The following DMP1 variants were observed in gnomAD, a reference collection of about 807,000 sequenced individuals.
The protein encoded by DMP1 is dentin matrix acidic phosphoprotein 1.
In DMP1, 20 loss-of-function variants were observed where a neutral mutation model predicts 14.6. The ratio of observed to expected loss-of-function variants is 1.37; its 90% CI spans 0.96 to 1.99. The LOEUF is 1.99. Among genes scored for constraint, DMP1 ranks in the 30% most tolerant of loss-of-function variants. The probability of loss-of-function intolerance (pLI) is 0.00; values close to 1 mark genes in which losing one functional copy is unlikely to be tolerated. For missense variants in DMP1, 567 were observed against 620.5 expected (o/e 0.91, Z 0.92); for synonymous variants, 197 against 215.3 (o/e 0.91, Z 0.75).
At chr4:87,658,300 T>C (rs1334827870) in intron 3 of DMP1, among the ~76,000 whole-genome samples, 1 of 152,212 alleles carries the variant, frequency 6.6e-6, no homozygotes, top group Non-Finnish European at 1.5e-5. Flanking sequence ...TCCTCCCTGC[T>C]CTACTTTGCG....
At chr4:87,654,381 T>G (rs1404997153) in intron 1 of DMP1, among the ~76,000 whole-genome samples, 2 of 152,180 alleles carry the variant, frequency 1.3e-5, no homozygotes, top group African/African-American at 2.4e-5. Context: ...AAGCTTTTGC[T>G]TCTGAGGCTG....
Position 87,660,457 on chromosome 4 carries a change from A to G in DMP1, c.183+979A>G, listed in dbSNP as rs184331339. ...TGCTCAGTTCCACCATACTAGCATA[A>G]AACTCCAGTGCTAGGAAGAGAGGTC... On this transcript the variant is annotated intron_variant, in intron 5 of 5. Coordinates refer to ENST00000339673, the MANE Select transcript of DMP1 (RefSeq NM_004407.4). Among the ~76,000 whole-genome samples the G allele has an allele frequency of 3.1e-3, 477 of 152,310 alleles. 1 individual carries two copies. Among genetic ancestry groups the G allele is most frequent in the African/African-American group, 0.011 (451 of 41,558 alleles).
rs368659799 is a variant in DMP1, at chr4:87,662,842, C to T, written c.1064C>T (p.Ser355Phe). 9.9e-6 allele frequency: 16 copies of T among 1,613,236 alleles called. No homozygotes were observed. The African/African-American group carries it at 2.1e-4, about 22-fold the overall frequency. Reference sequence around the variant, plus strand: ...TCATCTCAAGAGAACAGCAGTGAGTCTCAGGAAGAGGTGGTGAGTGAGTCC... The same window carrying T: ...TCATCTCAAGAGAACAGCAGTGAGTTTCAGGAAGAGGTGGTGAGTGAGTCC... Reference protein sequence around the residue: ...NLSSQENSSESQEEVVSESRG... With the variant: ...NLSSQENSSEFQEEVVSESRG... Residue 355 changes from serine (S) to phenylalanine (F), a missense_variant, in exon 6 of 6, where the codon TCT (serine) becomes TTT (phenylalanine). Ser to Phe is a radical substitution (Grantham distance 155). Transcript: ENST00000339673.
chr4:87,656,944 C>T (rs1162859380), intron 2 of DMP1, 88 bp from the exon 3 acceptor site: 8 of 834,140 alleles, frequency 9.6e-6, no homozygotes, highest in Non-Finnish European at 1.7e-5. Flanking sequence ...TAAAATTTGA[C>T]TATCCCTACT....
intron 3 of DMP1, 158 bp from the exon 4 acceptor site, chr4:87,659,062 T>C (rs1728779840): frequency 2.7e-6 from 2 of 734,160 alleles, no homozygotes; most frequent in Admixed American, 2.4e-5. Context: ...ACTTTCCTTT[T>C]GGAACCATTT....
At chr4:87,656,612 G>T in intron 2 of DMP1, 66 bp downstream of exon 2, 1 of 1,061,500 alleles carries the variant, frequency 9.4e-7, no homozygotes, top group Non-Finnish European at 1.5e-6. Flanking sequence ...ATTTTGATTG[G>T]CTATGAACCA....
intron 1 of DMP1, among the ~76,000 whole-genome samples, chr4:87,655,652 T>C (rs941738828): frequency 1.3e-5 from 2 of 152,040 alleles, no homozygotes; most frequent in Non-Finnish European, 2.9e-5. Flanking sequence ...CAGTCATAAA[T>C]GTGACTTAGA....
chr4:87,660,532 T>G (rs529571561), intron 5 of DMP1, among the ~76,000 whole-genome samples: 4 of 152,158 alleles, frequency 2.6e-5, no homozygotes, highest in Non-Finnish European at 4.4e-5. Context: ...GACTCAGACA[T>G]TGATCAGTAG....
At chr4:87,661,802 A>G (rs1728892958) in intron 5 of DMP1, among the ~76,000 whole-genome samples, 160 bp from the exon 6 acceptor site, 1 of 152,036 alleles carries the variant, frequency 6.6e-6, no homozygotes, top group East Asian at 1.9e-4. Context: ...CTTCCTTCCT[A>G]TTTAAGCTCT....
In DMP1 at chr4:87,663,382, A is replaced by C; in HGVS notation, c.*62A>C. On this transcript the variant is annotated 3_prime_UTR_variant, in exon 6 of 6. Coordinates refer to ENST00000339673, the MANE Select transcript of DMP1 (RefSeq NM_004407.4). ...AGTCTTAGGGACTTGAAAATGTATCATGATAACTATAATTTATTGATGTTT... is the reference window on the plus strand; with the variant it reads ...AGTCTTAGGGACTTGAAAATGTATCCTGATAACTATAATTTATTGATGTTT... The C allele has an allele frequency of 6.2e-7, 1 of 1,610,152 alleles. No individual in the cohort carries two copies. Among genetic ancestry groups the C allele is most frequent in the East Asian group, 2.2e-5 (1 of 44,860 alleles).
rs924937956 is a variant in DMP1, at chr4:87,662,530, C to T, written c.752C>T (p.Thr251Ile). Residue 251 changes from threonine (T) to isoleucine (I), a missense_variant, in exon 6 of 6, where the codon ACT becomes ATT. Transcript: ENST00000339673. ...GGAGAAAACAGTGAGCAAGCAAACA[C>T]TCAAGATTCAGGTGGCAGCCAATTG... is the stretch of plus-strand genomic sequence containing the variant. ...ESGENSEQAN[T>I]QDSGGSQLLE... The T allele has an allele frequency of 3.1e-6, 5 of 1,614,150 alleles. No homozygotes were observed. The highest frequency in any genetic ancestry group is 1.7e-5 in the Admixed American group (1 of 60,020).
In DMP1 at chr4:87,651,740, T is replaced by C. The variant is rs1271269210; in HGVS notation, c.-22+1356T>C. ...TGCATGTTCATAAATATTTACTGACTGCTAATGAATGAATGTATTGTTCAG... is the reference window on the plus strand; with the variant it reads ...TGCATGTTCATAAATATTTACTGACCGCTAATGAATGAATGTATTGTTCAG... On this transcript the variant is annotated intron_variant, in intron 1 of 5. Coordinates refer to ENST00000339673, the MANE Select transcript of DMP1 (RefSeq NM_004407.4). Among the ~76,000 whole-genome samples the C allele has an allele frequency of 3.3e-5, 5 of 152,226 alleles. No individual in the cohort carries two copies. In the East Asian group the frequency reaches 9.6e-4, roughly 29 times the overall value.
chr4:87,663,173 T>C lies in DMP1; in HGVS notation c.1395T>C (p.Asp465=), dbSNP rs746846079. 11 of 1,614,056 alleles carry C rather than the reference T, an allele frequency of 6.8e-6. No individual in the cohort carries two copies. The highest frequency in any genetic ancestry group is 1.3e-5 in the African/African-American group (1 of 74,992). ...DSQDSSRSKE[D]SNSTESKSSS... is the part of the protein sequence containing the mutation. ...AAGACAGCAGCAGATCCAAAGAAGA[T>C]AGCAACTCCACGGAGAGCAAATCAA... The change falls in exon 6 of 6, where the codon GAT becomes GAC. Residue 465 remains aspartate, a synonymous_variant. Coordinates refer to ENST00000339673, the MANE Select transcript of DMP1 (RefSeq NM_004407.4).
At chr4:87,658,028 A>C (rs1728748601) in intron 3 of DMP1, among the ~76,000 whole-genome samples, 1 of 152,170 alleles carries the variant, frequency 6.6e-6, no homozygotes, top group African/African-American at 2.4e-5. Flanking sequence ...AAAAGCAGAC[A>C]CTCTAGATCC....
Position 87,656,933 on chromosome 4 carries a change from C to A in DMP1, c.55-99C>A, listed in dbSNP as rs537199422. 2.3e-5 allele frequency: 18 copies of A among 795,870 alleles called. No individual in the cohort carries two copies. The East Asian group carries it at 3.5e-4, about 15-fold the overall frequency. 49.3% of individuals were successfully genotyped at this position (795,870 alleles called of 1,614,324 possible). A position where few individuals can be genotyped will look rare whatever the true frequency, so the allele number is the denominator to read the frequency against. On this transcript the variant is annotated intron_variant, in intron 2 of 5. Transcript: ENST00000339673. ...GGCCTCCCAGTGATTCTGATGCAGC[C>A]TAAAATTTGACTATCCCTACTCCTA...
At position 87,650,295 on chromosome 4, in the gene DMP1, G is replaced by A. The variant is rs1459826801; in HGVS notation, c.-111G>A. 6.6e-6 allele frequency: 1 copy of A among 152,004 alleles called. No individual in the cohort carries two copies. The highest frequency in any genetic ancestry group is 6.6e-5 in the Admixed American group (1 of 15,226). 9.4% of individuals were successfully genotyped at this position (152,004 alleles called of 1,614,324 possible). A position where few individuals can be genotyped will look rare whatever the true frequency, so the allele number is the denominator to read the frequency against. Reference sequence around the variant, plus strand: ...AGAAGTGTCCAGAATATCAACACAAGAGTGGCTTCATTGGGCATAGATTTC... The same window carrying A: ...AGAAGTGTCCAGAATATCAACACAAAAGTGGCTTCATTGGGCATAGATTTC... On this transcript the variant is annotated 5_prime_UTR_variant, in exon 1 of 6. Coordinates refer to ENST00000339673, the MANE Select transcript of DMP1 (RefSeq NM_004407.4).
At chr4:87,658,577 A>AT (rs1355869001) in intron 3 of DMP1, among the ~76,000 whole-genome samples, 2 of 152,098 alleles carry the variant, frequency 1.3e-5, no homozygotes, top group African/African-American at 4.8e-5. Context: ...TATCAAATGG[A>AT]TTTTTTCTTT....
chr4:87,657,886 C>T (rs1251462001), intron 3 of DMP1, among the ~76,000 whole-genome samples: 2 of 152,180 alleles, frequency 1.3e-5, no homozygotes, highest in Non-Finnish European at 2.9e-5. Flanking sequence ...AAAGCTTGGC[C>T]CCAATGCTTT....
At chr4:87,661,204 A>ATTTTTTTTTTTT (rs70957272) in intron 5 of DMP1, among the ~76,000 whole-genome samples, 3 of 66,654 alleles carry the variant, frequency 4.5e-5, no homozygotes, top group Admixed American at 1.9e-4. Flanking sequence ...CAGCCAGCTA[A>ATTTTTTTTTTTT]TTTTTTTTTT....
Sources: allele counts gnomAD v4.1 joint callset (sites outside exome capture counted in the v4.1 genomes callset), GRCh38; gene constraint gnomAD v4.1.1; transcripts MANE v1.5; gene names NCBI Gene and HGNC (gene_info 2026-07-23, HGNC 2026-07-21).